Variants in C16orf89 observed in about 807,000 individuals in gnomAD.
The protein encoded by C16orf89 is UPF0764 protein C16orf89.
C16orf89 carries 57 observed loss-of-function variants against 41.5 expected under a neutral mutation model. That is an observed-to-expected ratio of 1.38 (90% CI 1.11 to 1.71). The LOEUF (loss-of-function observed/expected upper bound fraction) is 1.71, where lower values mean the gene tolerates loss of function less well. Ranked by LOEUF, C16orf89 falls within the 40% of genes most tolerant of loss-of-function variation. The pLI, the probability that C16orf89 is intolerant of heterozygous loss-of-function variation, is 0.00. For synonymous variants in C16orf89, 223 were observed against 190.6 expected (o/e 1.17, Z -1.40); for missense variants, 575 against 445.9 (o/e 1.29, Z -2.61).
chr16:5,049,425 C>T (rs1462503064), intron 6 of C16orf89, among the ~76,000 whole-genome samples: 1 of 152,182 alleles, frequency 6.6e-6, no homozygotes, highest in African/African-American at 2.4e-5. Context: ...GCACATGGAA[C>T]AGTCTCCAAA....
At chr16:5,055,755 A>C in intron 5 of C16orf89, 1 of 1,532,016 alleles carries the variant, frequency 6.5e-7, no homozygotes, top group Non-Finnish European at 8.7e-7. Flanking sequence ...ACACAGTGGC[A>C]GGTAAAATAC....
At chr16:5,050,395 A>G (rs1956375463) in intron 6 of C16orf89, among the ~76,000 whole-genome samples, 1 of 152,074 alleles carries the variant, frequency 6.6e-6, no homozygotes, top group Non-Finnish European at 1.5e-5. Flanking sequence ...CCTAGTGGAA[A>G]TGGATAAATT....
In C16orf89 at chr16:5,062,434, A is replaced by G. The variant is rs1956644708; in HGVS notation, c.349T>C (p.Tyr117His). The G allele has an allele frequency of 3.7e-6, 6 of 1,612,706 alleles. No homozygotes were observed. The highest frequency in any genetic ancestry group is 5.1e-6 in the Non-Finnish European group (6 of 1,179,522). Residue 117 changes from tyrosine (Y) to histidine (H), a missense_variant, in exon 2 of 8, where the codon TAC becomes CAC. Coordinates refer to ENST00000472572, the MANE Select transcript of C16orf89 (RefSeq NM_001098514.3). ...LHYLKLSDPKYLREFQLTLQP... is the reference protein window; with the variant it reads ...LHYLKLSDPKHLREFQLTLQP... ...CCCTGCGTGTGCTCACCTCTTAGGTACTTGGGATCACTCAGCTTGAGGTAG... is the reference window on the plus strand; with the variant it reads ...CCCTGCGTGTGCTCACCTCTTAGGTGCTTGGGATCACTCAGCTTGAGGTAG...
In C16orf89 at chr16:5,065,820, T is replaced by A. The variant is rs774439288; in HGVS notation, c.89A>T (p.Glu30Val). ...SSSLPGLDTA[E>V]SKATIADLIL... ...CAGGTCTGCAATGGTGGCTTTACTT[T>A]CAGCAGTGTCCAGCCCAGGCAGTGA... The change falls in exon 1 of 8, where the codon GAA (glutamate) becomes GTA (valine). Residue 30 changes from glutamate to valine, a missense_variant. By Grantham distance (121) the Glu-to-Val change is moderately radical (BLOSUM62 -2). Coordinates refer to ENST00000472572, the MANE Select transcript of C16orf89 (RefSeq NM_001098514.3). The A allele has an allele frequency of 1.2e-6, 2 of 1,614,216 alleles. No homozygotes were observed. Among genetic ancestry groups the A allele is most frequent in the Non-Finnish European group, 1.7e-6 (2 of 1,180,000 alleles).
chr16:5,050,017 G>C (rs1956369128), intron 6 of C16orf89, among the ~76,000 whole-genome samples: 1 of 152,158 alleles, frequency 6.6e-6, no homozygotes, highest in Non-Finnish European at 1.5e-5. Flanking sequence ...TTTTACAGCT[G>C]ATACCACTGA....
rs1004396951 is a variant in C16orf89 at position 5,045,717 on chromosome 16, G to A, written c.956-1239C>T. ...TTACAGATGAGGAAAATGAGGCTCA[G>A]TGAGGTTGTGTGACTTTCGCAGCAA... On this transcript the variant is annotated intron_variant, in intron 7 of 7. Transcript: ENST00000472572. Among the ~76,000 whole-genome samples the A allele has an allele frequency of 3.9e-5, 6 of 152,216 alleles. No homozygotes were observed. The East Asian group carries it at 7.7e-4, about 20-fold the overall frequency.
intron 2 of C16orf89, 27 bp downstream of exon 2, chr16:5,062,398 G>T (rs1956644021): frequency 1.3e-6 from 2 of 1,589,948 alleles, no homozygotes; most frequent in East Asian, 2.3e-5. Context: ...TATTCCTGAG[G>T]GAATGGGACA....
Position 5,065,858 on chromosome 16 carries a change from C to T in C16orf89, c.51G>A (p.Pro17=), listed in dbSNP as rs1023281393. The change falls in exon 1 of 8, where the codon CCG becomes CCA. Residue 17 remains proline (P), a synonymous_variant. Transcript: ENST00000472572. ...GCCCAGGCAGTGAGGAGGACCACAGCGGTGGCAGTGCTGTCAGTAAGAGCA... is the reference window on the plus strand; with the variant it reads ...GCCCAGGCAGTGAGGAGGACCACAGTGGTGGCAGTGCTGTCAGTAAGAGCA... ...LLLLLLTALP[P]LWSSSLPGLD... 75 of 1,614,112 alleles carry T rather than the reference C, an allele frequency of 4.6e-5. No homozygotes were observed. Among genetic ancestry groups the T allele is most frequent in the Non-Finnish European group, 5.4e-5 (64 of 1,180,052 alleles).
chr16:5,065,299 A>AACCCGATCTTGAGGGTCCTCAGT (rs1956715238), intron 1 of C16orf89, among the ~76,000 whole-genome samples: 1 of 152,152 alleles, frequency 6.6e-6, no homozygotes. Context: ...GTGGGGTGGG[A>AACCCGATCTTGAGGGTCCTCAGT]ACCCGATCTT....
At chr16:5,044,920 T>C in intron 7 of C16orf89, 23 of 1,229,362 alleles carry the variant, frequency 1.9e-5, no homozygotes, top group Non-Finnish European at 2.4e-5. Context: ...GGTGCTCCCT[T>C]AGGCCCCTTT....
At position 5,050,877 on chromosome 16, in the gene C16orf89, G is replaced by T. The variant is rs185807952; in HGVS notation, c.869-2913C>A. 2.3e-4 allele frequency among the ~76,000 whole-genome samples: 35 copies of T among 152,248 alleles called. 2 individuals carry two copies. The highest frequency in any genetic ancestry group is 2.0e-3 in the Admixed American group (31 of 15,284). ...TCATGAACAAGGGGACTTTATTGGA[G>T]GGATGCAAGGATGGTTCAACATATG... On this transcript the variant is annotated intron_variant, in intron 6 of 7. Coordinates refer to ENST00000472572, the MANE Select transcript of C16orf89 (RefSeq NM_001098514.3).
In C16orf89 at chr16:5,058,460, C is replaced by T. The variant is rs371747114; in HGVS notation, c.627+33G>A. The stretch of plus-strand genomic sequence containing the variant: ...CCCTTTTCCTTTTTCCTTCCCCTTC[C>T]CCTGGCACGGCGGGGGCTCCCTGGG... On this transcript the variant is annotated intron_variant, in intron 4 of 7. Coordinates refer to ENST00000472572, the MANE Select transcript of C16orf89 (RefSeq NM_001098514.3). The T allele has an allele frequency of 3.2e-5, 49 of 1,545,246 alleles. No homozygotes were observed. The African/African-American group carries it at 6.7e-4, about 21-fold the overall frequency.
intron 3 of C16orf89, among the ~76,000 whole-genome samples, chr16:5,058,987 T>G (rs1956564374): frequency 6.6e-6 from 1 of 152,014 alleles, no homozygotes; most frequent in Non-Finnish European, 1.5e-5. Context: ...CACCTATAAT[T>G]CTAGCACTTT....
chr16:5,048,705 A>G (rs561093604), intron 6 of C16orf89, among the ~76,000 whole-genome samples: 2 of 152,330 alleles, frequency 1.3e-5, no homozygotes, highest in South Asian at 4.1e-4. Flanking sequence ...AGTTACTGGT[A>G]GAGGAGAAAT....
chr16:5,046,513 G>A (rs2142598630), intron 7 of C16orf89, among the ~76,000 whole-genome samples: 1 of 151,958 alleles, frequency 6.6e-6, no homozygotes, highest in Admixed American at 6.6e-5. Context: ...ACCACGCCTG[G>A]CTAATTTTTG....
intron 1 of C16orf89, among the ~76,000 whole-genome samples, chr16:5,064,819 C>A (rs2142684606): frequency 6.6e-6 from 1 of 152,310 alleles, no homozygotes; most frequent in East Asian, 1.9e-4. Flanking sequence ...GGTGGGGCCG[C>A]TTTCCCAGTG....
chr16:5,064,741 T>C (rs1956699970), intron 1 of C16orf89, among the ~76,000 whole-genome samples: 1 of 152,156 alleles, frequency 6.6e-6, no homozygotes, highest in Admixed American at 6.5e-5. Flanking sequence ...ATGTGGGATG[T>C]GGCGTGGGTG....
chr16:5,051,010 A>G (rs1408304066), intron 6 of C16orf89, among the ~76,000 whole-genome samples: 3 of 152,228 alleles, frequency 2.0e-5, no homozygotes, highest in Non-Finnish European at 4.4e-5. Context: ...ACATCCCTTC[A>G]TGATAAATCT....
chr16:5,044,123 C>T lies in C16orf89; in HGVS notation c.*225G>A. 8.0e-7 allele frequency: 1 copy of T among 1,253,714 alleles called. No individual in the cohort carries two copies. Among genetic ancestry groups the T allele is most frequent in the Admixed American group, 4.2e-5 (1 of 23,918 alleles). 77.7% of individuals were successfully genotyped at this position (1,253,714 alleles called of 1,614,324 possible). A position where few individuals can be genotyped will look rare whatever the true frequency, so the allele number is the denominator to read the frequency against. ...TGAGAAACAAGACTCAACCCTGGGTCAGTTGCAGTTGAACTTTATTCATCC... is the reference window on the plus strand; with the variant it reads ...TGAGAAACAAGACTCAACCCTGGGTTAGTTGCAGTTGAACTTTATTCATCC... On this transcript the variant is annotated 3_prime_UTR_variant, in exon 8 of 8. Coordinates refer to ENST00000472572, the MANE Select transcript of C16orf89 (RefSeq NM_001098514.3).
Sources: allele counts gnomAD v4.1 joint callset (sites outside exome capture counted in the v4.1 genomes callset), GRCh38; gene constraint gnomAD v4.1.1; transcripts MANE v1.5; gene names NCBI Gene and HGNC (gene_info 2026-07-23, HGNC 2026-07-21).